ASCC3: variants seen among roughly 807,000 people sequenced by gnomAD.
The protein encoded by ASCC3 is activating signal cointegrator 1 complex subunit 3.
Under a neutral mutation model 256.3 loss-of-function variants are expected in ASCC3, and 158 were observed. The observed-to-expected ratio is 0.62, with a 90% CI of 0.54 to 0.70. ASCC3 has a LOEUF of 0.70. Ranked by LOEUF, ASCC3 falls within the 30% of genes least tolerant of loss-of-function variation. The pLI is 0.00. For synonymous variants in ASCC3, 948 were observed against 883.4 expected (o/e 1.07, Z -1.30); for missense variants, 2,259 against 2,626.0 (o/e 0.86, Z 3.05).
At chr6:100,585,087 T>C (rs554549374) in intron 36 of ASCC3, among the ~76,000 whole-genome samples, 1 of 152,312 alleles carries the variant, frequency 6.6e-6, no homozygotes, top group South Asian at 2.1e-4. Context: ...GGAGTATCTT[T>C]GTGGTGTTCT....
intron 37 of ASCC3, among the ~76,000 whole-genome samples, chr6:100,531,831 TAC>T (rs1446945983): frequency 6.6e-6 from 1 of 152,152 alleles, no homozygotes; most frequent in Non-Finnish European, 1.5e-5. Flanking sequence ...TACTCCTGTC[TAC>T]ATTATGCACT....
chr6:100,690,766 T>C (rs571161603), intron 13 of ASCC3, among the ~76,000 whole-genome samples: 167 of 152,218 alleles, frequency 1.1e-3, no homozygotes, highest in African/African-American at 4.0e-3. Flanking sequence ...TAATCCACAA[T>C]AGTGAGATGT....
chr6:100,760,908 C>T (rs1016436709), intron 10 of ASCC3, among the ~76,000 whole-genome samples: 2 of 152,040 alleles, frequency 1.3e-5, no homozygotes, highest in Non-Finnish European at 2.9e-5. Flanking sequence ...GAAAACATGA[C>T]GGGTTGAAGA....
At chr6:100,581,444 T>C (rs1383144804) in intron 36 of ASCC3, among the ~76,000 whole-genome samples, 1 of 152,194 alleles carries the variant, frequency 6.6e-6, no homozygotes, top group African/African-American at 2.4e-5. Flanking sequence ...GTTTTTTTCT[T>C]GTAAATTTGT....
chr6:100,718,021 T>C, intron 12 of ASCC3, 54 bp downstream of exon 12: 1 of 1,556,974 alleles, frequency 6.4e-7, no homozygotes, highest in Non-Finnish European at 8.8e-7. Flanking sequence ...AAACAAGTAT[T>C]CAATAATAAG....
chr6:100,816,589 T>A (rs931548229), intron 4 of ASCC3, among the ~76,000 whole-genome samples: 1 of 152,144 alleles, frequency 6.6e-6, no homozygotes, highest in African/African-American at 2.4e-5. Context: ...AAAAAAAGAA[T>A]GAGACTATCT....
intron 3 of ASCC3, among the ~76,000 whole-genome samples, chr6:100,854,455 T>G (rs957331573): frequency 1.3e-5 from 2 of 152,184 alleles, no homozygotes; most frequent in African/African-American, 2.4e-5. Flanking sequence ...GTTACTTAAA[T>G]GTTAAAATTA....
chr6:100,749,050 C>T (rs1780818506), intron 10 of ASCC3, among the ~76,000 whole-genome samples: 1 of 152,032 alleles, frequency 6.6e-6, no homozygotes, highest in Admixed American at 6.6e-5. Flanking sequence ...AGGAAATTTC[C>T]TTTTCCTGAA....
At position 100,518,039 on chromosome 6, in the gene ASCC3, G is replaced by A; in HGVS notation, c.5879C>T (p.Ser1960Phe). The A allele has an allele frequency of 6.2e-7, 1 of 1,613,602 alleles. No individual in the cohort carries two copies. Among genetic ancestry groups the A allele is most frequent in the Non-Finnish European group, 8.5e-7 (1 of 1,179,646 alleles). The change falls in exon 38 of 42, where the codon TCT (serine) becomes TTT (phenylalanine). Residue 1960 changes from serine to phenylalanine, a missense_variant. Physicochemically the swap from Ser to Phe is radical, Grantham distance 155. This residue lies in a region of ASCC3 where 1,839 missense variants were observed against 2,206.7 expected (regional missense o/e 0.83). Coordinates refer to ENST00000369162, the MANE Select transcript of ASCC3 (RefSeq NM_006828.4). ...VIQGRWLKDS[S>F]LLTLPNIENH... The stretch of plus-strand genomic sequence containing the variant: ...TTCTATGTTTGGTAGTGTAAGAAGA[G>A]AAGAGTCCTTTAACCACCGACCCTG...
intron 36 of ASCC3, among the ~76,000 whole-genome samples, chr6:100,588,202 A>C (rs1771804760): frequency 6.6e-6 from 1 of 152,160 alleles, no homozygotes; most frequent in Non-Finnish European, 1.5e-5. Context: ...GTGAGGATTA[A>C]ATTAGTTTAT....
chr6:100,575,056 C>T (rs1307923461), intron 36 of ASCC3, among the ~76,000 whole-genome samples: 1 of 151,978 alleles, frequency 6.6e-6, no homozygotes, highest in Non-Finnish European at 1.5e-5. Flanking sequence ...TGGAAGATAT[C>T]CCATTAGGTT....
At chr6:100,682,191 C>T (rs953383320) in intron 13 of ASCC3, among the ~76,000 whole-genome samples, 2 of 151,420 alleles carry the variant, frequency 1.3e-5, no homozygotes, top group South Asian at 2.1e-4. Context: ...GTAAGAAAAT[C>T]GGAATTAAAA....
At chr6:100,519,422 T>C (rs929408264) in intron 37 of ASCC3, among the ~76,000 whole-genome samples, 4 of 152,160 alleles carry the variant, frequency 2.6e-5, no homozygotes, top group Non-Finnish European at 4.4e-5. Flanking sequence ...CACATATTTA[T>C]AAATCTAGGG....
intron 14 of ASCC3, among the ~76,000 whole-genome samples, chr6:100,677,749 C>T (rs929491080): frequency 1.3e-5 from 2 of 148,604 alleles, no homozygotes; most frequent in Non-Finnish European, 3.0e-5. Flanking sequence ...GTGTGCAATT[C>T]ATTCTTCTTG....
At chr6:100,608,118 C>CTATATATATGTATATATATG (rs201020275) in intron 30 of ASCC3, among the ~76,000 whole-genome samples, 2 of 23,350 alleles carry the variant, frequency 8.6e-5, no homozygotes, top group Middle Eastern at 0.05. Flanking sequence ...GTATATATAT[C>CTATATATATGTATATATATG]TATATATACA....
chr6:100,819,387 T>C (rs1770929376), intron 4 of ASCC3, among the ~76,000 whole-genome samples: 2 of 152,294 alleles, frequency 1.3e-5, no homozygotes, highest in Admixed American at 6.5e-5. Context: ...ACAGGACTAA[T>C]AGGATAGATG....
chr6:100,636,817 C>T (rs1376300987), intron 25 of ASCC3, among the ~76,000 whole-genome samples: 1 of 152,142 alleles, frequency 6.6e-6, no homozygotes, highest in African/African-American at 2.4e-5. Flanking sequence ...TAACCTAAAG[C>T]CTACTCTAGA....
At chr6:100,704,299 G>C (rs147751913) in intron 13 of ASCC3, among the ~76,000 whole-genome samples, 1 of 151,876 alleles carries the variant, frequency 6.6e-6, no homozygotes, top group African/African-American at 2.4e-5. Context: ...TATTCCTTTG[G>C]AATTACATCT....
chr6:100,572,499 A>G (rs1236329511), intron 36 of ASCC3, among the ~76,000 whole-genome samples: 1 of 152,202 alleles, frequency 6.6e-6, no homozygotes, highest in Non-Finnish European at 1.5e-5. Context: ...TGGTGGTCTG[A>G]TAACAACCAA....
Sources: gnomAD v4.1 joint callset for allele counts (sites outside exome capture counted in the v4.1 genomes callset) on GRCh38, gnomAD v4.1.1 for gene constraint, gnomAD v4.1.1 regional missense constraint, MANE v1.5 for transcripts, NCBI Gene and HGNC (gene_info 2026-07-23, HGNC 2026-07-21) for gene names.